Variants in CCDC148 observed in about 807,000 individuals in gnomAD.
The protein encoded by CCDC148 is coiled-coil domain-containing protein 148.
A neutral mutation model predicts 85.7 loss-of-function variants in CCDC148; 89 were observed. The observed-to-expected ratio is 1.04, with a 90% CI of 0.87 to 1.24. CCDC148 has a LOEUF of 1.24. CCDC148 is among the 50% of genes most tolerant of loss of function. CCDC148 has a pLI of 0.00. For synonymous variants in CCDC148, 230 were observed against 213.9 expected, an observed-to-expected ratio of 1.08 and a Z score of -0.66; for missense variants, 692 against 671.7, an observed-to-expected ratio of 1.03 and a Z score of -0.33.
At chr2:158,188,812 A>C (rs1685282015) in intron 11 of CCDC148, among the ~76,000 whole-genome samples, 2 of 152,070 alleles carry the variant, frequency 1.3e-5, no homozygotes, top group Non-Finnish European at 2.9e-5. Context: ...CAACATACAG[A>C]ATGGGAGAAA....
At chr2:158,251,494 A>G (rs1688792429) in intron 9 of CCDC148, among the ~76,000 whole-genome samples, 1 of 151,896 alleles carries the variant, frequency 6.6e-6, no homozygotes, top group African/African-American at 2.4e-5. Context: ...AATATAAAAA[A>G]TGCATAGCCT....
At chr2:158,267,159 C>G (rs1230113565) in intron 9 of CCDC148, among the ~76,000 whole-genome samples, 1 of 152,016 alleles carries the variant, frequency 6.6e-6, no homozygotes, top group Non-Finnish European at 1.5e-5. Context: ...ACATTCATTC[C>G]TTTCTTCTCC....
In CCDC148 at chr2:158,220,716, A is replaced by G. The variant is rs770745065; in HGVS notation, c.1252-3T>C. 6.4e-7 allele frequency: 1 copy of G among 1,560,848 alleles called. No individual in the cohort carries two copies. Among genetic ancestry groups the G allele is most frequent in the Non-Finnish European group, 8.7e-7 (1 of 1,154,412 alleles). ...TTCTTGGCCCAGTATTTTTTTATCT[A>G]TTGTATAAATGTTACATAAAATTTA... is the stretch of plus-strand genomic sequence containing the variant. On this transcript the variant is annotated splice_region_variant and splice_polypyrimidine_tract_variant and intron_variant, in intron 10 of 13. Transcript: ENST00000283233.
intron 9 of CCDC148, among the ~76,000 whole-genome samples, chr2:158,286,162 T>C (rs1015214846): frequency 3.3e-5 from 5 of 151,990 alleles, no homozygotes; most frequent in Admixed American, 3.3e-4. Context: ...CTAGAAAAAA[T>C]AAGACACAGT....
At chr2:158,214,629 C>A (rs781726400) in intron 11 of CCDC148, among the ~76,000 whole-genome samples, 4 of 152,170 alleles carry the variant, frequency 2.6e-5, no homozygotes, top group Non-Finnish European at 5.9e-5. Flanking sequence ...AACTCTAACT[C>A]ATGTAAATAC....
chr2:158,435,538 G>C (rs185626841), intron 1 of CCDC148, among the ~76,000 whole-genome samples: 8 of 152,292 alleles, frequency 5.3e-5, no homozygotes, highest in African/African-American at 1.9e-4. Context: ...AAATTGTAAA[G>C]ACCATCAATG....
At chr2:158,363,980 A>C (rs991239827) in intron 1 of CCDC148, among the ~76,000 whole-genome samples, 1 of 152,230 alleles carries the variant, frequency 6.6e-6, no homozygotes, top group Non-Finnish European at 1.5e-5. Context: ...AGGATACAAA[A>C]TCAATGTGCA....
chr2:158,329,417 GC>G (rs1412898760), intron 7 of CCDC148, among the ~76,000 whole-genome samples: 3 of 152,192 alleles, frequency 2.0e-5, no homozygotes, highest in Non-Finnish European at 4.4e-5. Flanking sequence ...GGTTACTGTA[GC>G]CTTGTAGTAT....
At chr2:158,307,366 G>T (rs1448474287) in intron 9 of CCDC148, among the ~76,000 whole-genome samples, 2 of 152,128 alleles carry the variant, frequency 1.3e-5, no homozygotes, top group African/African-American at 4.8e-5. Context: ...AAACCATAAT[G>T]AGGTACCACT....
chr2:158,198,413 T>C (rs139132432), intron 11 of CCDC148, among the ~76,000 whole-genome samples: 2 of 152,200 alleles, frequency 1.3e-5, no homozygotes, highest in African/African-American at 4.8e-5. Flanking sequence ...AGTATCACTG[T>C]GTTCTCAGAC....
intron 1 of CCDC148, among the ~76,000 whole-genome samples, chr2:158,360,728 CA>C (rs779249115): frequency 3.3e-5 from 5 of 152,188 alleles, no homozygotes; most frequent in Admixed American, 2.0e-4. Context: ...GAAGCCAGTG[CA>C]AAAAGGCGGA....
chr2:158,435,143 C>A (rs950620191), intron 1 of CCDC148, among the ~76,000 whole-genome samples: 1 of 152,126 alleles, frequency 6.6e-6, no homozygotes, highest in African/African-American at 2.4e-5. Context: ...AAAGATACTC[C>A]TCGAGAAGAG....
chr2:158,266,802 A>G (rs1253871519), intron 9 of CCDC148, among the ~76,000 whole-genome samples: 2 of 151,876 alleles, frequency 1.3e-5, no homozygotes, highest in African/African-American at 4.8e-5. Context: ...CCATTACTTC[A>G]TTCCTTTTTA....
intron 9 of CCDC148, among the ~76,000 whole-genome samples, chr2:158,259,960 T>C (rs1458865534): frequency 6.6e-6 from 1 of 151,988 alleles, no homozygotes; most frequent in Non-Finnish European, 1.5e-5. Context: ...TACCTGTGTC[T>C]GTGAATACTG....
chr2:158,326,724 C>A (rs548425970), intron 7 of CCDC148, among the ~76,000 whole-genome samples: 1 of 152,118 alleles, frequency 6.6e-6, no homozygotes, highest in South Asian at 2.1e-4. Context: ...AAACAATACT[C>A]ATATGGTTCA....
At chr2:158,210,849 C>T (rs1219190220) in intron 11 of CCDC148, among the ~76,000 whole-genome samples, 6 of 145,772 alleles carry the variant, frequency 4.1e-5, no homozygotes, top group Non-Finnish European at 6.0e-5. Context: ...GTCCCAGCTA[C>T]TTGGGAGGCT....
intron 2 of CCDC148, 148 bp downstream of exon 2, chr2:158,358,301 A>C: frequency 1.2e-6 from 1 of 858,640 alleles, no homozygotes; most frequent in South Asian, 1.7e-5. Flanking sequence ...GCATTCGATA[A>C]ATGTTAGCTG....
chr2:158,366,497 C>A (rs1029338892), intron 1 of CCDC148, among the ~76,000 whole-genome samples: 1 of 152,182 alleles, frequency 6.6e-6, no homozygotes, highest in Non-Finnish European at 1.5e-5. Context: ...GGACTCGCTG[C>A]CTTGCTGTGG....
chr2:158,386,502 A>C (rs1245973448), intron 1 of CCDC148, among the ~76,000 whole-genome samples: 1 of 152,116 alleles, frequency 6.6e-6, no homozygotes, highest in Non-Finnish European at 1.5e-5. Flanking sequence ...TTTCTCCTAC[A>C]CATTTTTTTC....
Sources: gnomAD v4.1 joint callset for allele counts (sites outside exome capture counted in the v4.1 genomes callset) on GRCh38, gnomAD v4.1.1 for gene constraint, MANE v1.5 for transcripts, NCBI Gene and HGNC (gene_info 2026-07-23, HGNC 2026-07-21) for gene names.